The following SLC12A7 variants were observed in gnomAD, a reference collection of about 807,000 sequenced individuals.
The protein encoded by SLC12A7 is solute carrier family 12 member 7, also known as K-Cl cotransporter 4.
In SLC12A7, 100 loss-of-function variants were observed where a neutral mutation model predicts 120.6. That is an observed-to-expected ratio of 0.83 (90% CI 0.71 to 0.98). The LOEUF (loss-of-function observed/expected upper bound fraction) is 0.98, where lower values mean the gene tolerates loss of function less well. Among genes scored for constraint, SLC12A7 ranks in the 50% least tolerant of loss-of-function variants. The pLI is 0.00. For synonymous variants in SLC12A7, 760 were observed against 678.0 expected (o/e 1.12, Z -1.88); for missense variants, 1,373 against 1,548.1 (o/e 0.89, Z 1.90).
chr5:1,143,958 G>GC, the SLC12A7 span, among the ~76,000 whole-genome samples: 2 of 151,886 alleles, frequency 1.3e-5, no homozygotes, highest in East Asian at 3.9e-4. Flanking sequence ...CCCTGGCGCT[G>GC]GGAAACCTGG....
At chr5:1,110,497 G>A (rs751380575) in intron 1 of SLC12A7, among the ~76,000 whole-genome samples, 7 of 152,250 alleles carry the variant, frequency 4.6e-5, no homozygotes, top group Non-Finnish European at 7.3e-5. Context: ...ATTCTCTCTG[G>A]CTTAAAAGCA....
chr5:1,149,208 C>G, the SLC12A7 span, among the ~76,000 whole-genome samples: 5 of 151,144 alleles, frequency 3.3e-5, no homozygotes, highest in East Asian at 7.7e-4. Context: ...AGCCATGCCA[C>G]TTTACATTCC....
intron 9 of SLC12A7, among the ~76,000 whole-genome samples, chr5:1,080,270 CCCTCCACCCACGGCGCGG>C: frequency 6.6e-4 from 3 of 4,546 alleles, no homozygotes; most frequent in Admixed American, 5.8e-3. Context: ...TGCCCCCACG[CCCTCCACCCACGGCGCGG>C]AGACACCAGG....
the SLC12A7 span, among the ~76,000 whole-genome samples, chr5:1,143,977 G>T: frequency 6.6e-6 from 1 of 152,216 alleles, no homozygotes; most frequent in Non-Finnish European, 1.5e-5. Context: ...GGCCTCTTGG[G>T]CACCCTGCCC....
At chr5:1,115,140 A>G (rs1334059201), upstream of SLC12A7, among the ~76,000 whole-genome samples, 1 of 152,180 alleles carries the variant, frequency 6.6e-6, no homozygotes, top group Non-Finnish European at 1.5e-5. Flanking sequence ...TTCAAATGCA[A>G]TCTCGCATCC....
intron 1 of SLC12A7, among the ~76,000 whole-genome samples, chr5:1,110,391 C>T (rs1160621711): frequency 6.6e-6 from 1 of 152,260 alleles, no homozygotes; most frequent in Non-Finnish European, 1.5e-5. Context: ...ATGGGCAGCG[C>T]TCAGCCAGGG....
chr5:1,152,997 G>C, the SLC12A7 span, among the ~76,000 whole-genome samples: 1 of 152,208 alleles, frequency 6.6e-6, no homozygotes, highest in Non-Finnish European at 1.5e-5. Flanking sequence ...TTTTAAACTT[G>C]GTTTACATTG....
At chr5:1,108,761 C>T (rs972282750) in intron 1 of SLC12A7, among the ~76,000 whole-genome samples, 3 of 152,230 alleles carry the variant, frequency 2.0e-5, no homozygotes, top group South Asian at 2.1e-4. Context: ...CAGGCGAGGA[C>T]GGCCCAGGAC....
chr5:1,112,345 T>G (rs377035912), upstream of SLC12A7, among the ~76,000 whole-genome samples: 2 of 41,132 alleles, frequency 4.9e-5, no homozygotes, highest in East Asian at 1.1e-3. Context: ...CTCCCCGCCC[T>G]CCCCGGCCCC....
At chr5:1,103,580 T>C (rs560144976) in intron 1 of SLC12A7, among the ~76,000 whole-genome samples, 115 of 152,270 alleles carry the variant, frequency 7.6e-4, no homozygotes, top group Non-Finnish European at 1.3e-3. Flanking sequence ...CTCGCAAACC[T>C]GCACACGCAC....
chr5:1,118,249 G>A, the SLC12A7 span, among the ~76,000 whole-genome samples: 3 of 152,184 alleles, frequency 2.0e-5, no homozygotes, highest in Non-Finnish European at 2.9e-5. Flanking sequence ...CTCTGCGTGA[G>A]TCATTCTTTC....
At chr5:1,076,602 A>C in intron 13 of SLC12A7, 92 bp downstream of exon 13, 2 of 908,074 alleles carry the variant, frequency 2.2e-6, no homozygotes, top group African/African-American at 3.3e-5. Flanking sequence ...ATGCCTGTCT[A>C]CTGCTTGTCC....
chr5:1,086,221 C>G (rs549877718), intron 6 of SLC12A7, among the ~76,000 whole-genome samples: 1 of 152,260 alleles, frequency 6.6e-6, no homozygotes, highest in South Asian at 2.1e-4. Context: ...CTTCAGGAAC[C>G]CAGGAGGCCA....
In SLC12A7 at chr5:1,050,623, C is replaced by T. The variant is rs753371458; in HGVS notation, c.*1737G>A. The T allele has an allele frequency of 5.3e-6, 2 of 375,060 alleles. No individual in the cohort carries two copies. The highest frequency in any genetic ancestry group is 9.4e-6 in the Non-Finnish European group (2 of 211,796). 23.2% of individuals were successfully genotyped at this position (375,060 alleles called of 1,614,324 possible). On this transcript the variant is annotated 3_prime_UTR_variant, in exon 24 of 24. Transcript: ENST00000264930. Reference sequence around the variant, plus strand: ...CAGAAGCAGGGCTGTTTTCCAGCCACCAACCAACGTTCAGAGCCAGCACCA... The same window carrying T: ...CAGAAGCAGGGCTGTTTTCCAGCCATCAACCAACGTTCAGAGCCAGCACCA...
At chr5:1,064,693 GTGAGGGGA>G (rs1736732271) in intron 18 of SLC12A7, among the ~76,000 whole-genome samples, 2 of 151,666 alleles carry the variant, frequency 1.3e-5, no homozygotes, top group Admixed American at 6.6e-5. Flanking sequence ...TGAAGGGACA[GTGAGGGGA>G]CGGTGAGGGG....
chr5:1,053,146 C>G (rs906753598), intron 23 of SLC12A7, among the ~76,000 whole-genome samples: 1 of 152,214 alleles, frequency 6.6e-6, no homozygotes, highest in Non-Finnish European at 1.5e-5. Context: ...CTCCCCCACA[C>G]CAATGCCAGG....
Position 1,060,999 on chromosome 5 carries a change from TG to T in SLC12A7, c.2740-549del, listed in dbSNP as rs1736137935. 1.7e-3 allele frequency among the ~76,000 whole-genome samples: 256 copies of T among 150,394 alleles called. 3 individuals carry two copies. Among genetic ancestry groups the T allele is most frequent in the African/African-American group, 5.8e-3 (234 of 40,408 alleles). ...TGCGTCTCACCCACTGCACCTGCCG[TG>T]CAGGATCCCTGAGTCTCACCCGCCG... On this transcript the variant is annotated intron_variant, in intron 20 of 23. Coordinates refer to ENST00000264930, the MANE Select transcript of SLC12A7 (RefSeq NM_006598.3).
At chr5:1,150,046 A>G in the SLC12A7 span, among the ~76,000 whole-genome samples, 3 of 152,232 alleles carry the variant, frequency 2.0e-5, no homozygotes, top group African/African-American at 7.2e-5. Flanking sequence ...AAAAAACAAC[A>G]ACAATAAAAA....
chr5:1,056,119 G>A (rs1579307697), intron 22 of SLC12A7, among the ~76,000 whole-genome samples: 4 of 152,298 alleles, frequency 2.6e-5, no homozygotes, highest in East Asian at 1.9e-4. Flanking sequence ...AGCTCCTGCC[G>A]AGGGTCCGAC....
Sources: gnomAD v4.1 joint callset for allele counts (sites outside exome capture counted in the v4.1 genomes callset) on GRCh38, gnomAD v4.1.1 for gene constraint, MANE v1.5 for transcripts, NCBI Gene and HGNC (gene_info 2026-07-23, HGNC 2026-07-21) for gene names.